The following ST7 variants were observed in gnomAD, a reference collection of about 807,000 sequenced individuals.
ST7 encodes suppressor of tumorigenicity 7 protein.
ST7 carries 28 observed loss-of-function variants against 78.7 expected under a neutral mutation model. The observed-to-expected ratio is 0.36, with a 90% CI of 0.26 to 0.49. ST7 has a LOEUF of 0.49. Ranked by LOEUF, ST7 falls within the 20% of genes least tolerant of loss-of-function variation. The pLI, the probability that ST7 is intolerant of heterozygous loss-of-function variation, is 0.99. For missense variants in ST7, 418 were observed against 696.0 expected (o/e 0.60, Z 4.49); for synonymous variants, 247 against 249.6 (o/e 0.99, Z 0.10).
intron 12 of ST7, chr7:117,198,341 C>T (rs1448232856): frequency 4.4e-6 from 2 of 456,250 alleles, no homozygotes; most frequent in African/African-American, 2.0e-5. Flanking sequence ...ATAGAGGCTG[C>T]CTAGAAACAT....
intron 9 of ST7, among the ~76,000 whole-genome samples, chr7:117,142,351 G>T (rs930444581): frequency 2.0e-5 from 3 of 152,098 alleles, no homozygotes; most frequent in Non-Finnish European, 4.4e-5. Flanking sequence ...GGATTTCTCA[G>T]CCTCAGCACT....
At chr7:116,969,809 T>A (rs542709495) in intron 1 of ST7, among the ~76,000 whole-genome samples, 1 of 152,190 alleles carries the variant, frequency 6.6e-6, no homozygotes, top group South Asian at 2.1e-4. Flanking sequence ...GGCATGGTGG[T>A]TCATGCCTAT....
At chr7:116,977,678 A>G (rs1484842815) in intron 1 of ST7, among the ~76,000 whole-genome samples, 5 of 152,168 alleles carry the variant, frequency 3.3e-5, no homozygotes, top group Admixed American at 3.3e-4. Flanking sequence ...CAGCCTCCCA[A>G]GTAGGTGGGA....
intron 1 of ST7, among the ~76,000 whole-genome samples, chr7:117,061,821 G>A (rs747960255): frequency 1.3e-5 from 2 of 152,206 alleles, no homozygotes; most frequent in Non-Finnish European, 2.9e-5. Flanking sequence ...AAATTAATAT[G>A]TAGGATGAAG....
intron 1 of ST7, chr7:117,098,887 A>T: frequency 8.2e-7 from 1 of 1,223,954 alleles, no homozygotes; most frequent in Non-Finnish European, 1.1e-6. Context: ...AATGACTTAA[A>T]ATATATGTAT....
chr7:117,057,878 T>G (rs1363500932), intron 1 of ST7, among the ~76,000 whole-genome samples: 3 of 152,146 alleles, frequency 2.0e-5, no homozygotes, highest in Admixed American at 6.5e-5. Context: ...CCCTTTCTAT[T>G]TTTTTCAGTT....
chr7:117,172,149 C>T (rs1808044480), intron 10 of ST7, among the ~76,000 whole-genome samples: 2 of 152,038 alleles, frequency 1.3e-5, no homozygotes, highest in South Asian at 4.2e-4. Context: ...GACTGGTTAT[C>T]GTTATGTTAC....
chr7:117,146,000 T>C (rs140114030), intron 9 of ST7: 1 of 152,332 alleles, frequency 6.6e-6, no homozygotes, highest in African/African-American at 2.4e-5. Flanking sequence ...ATTTTCATCA[T>C]CATCTACAGG....
chr7:117,130,357 T>A (rs994332455), intron 4 of ST7, 134 bp from the exon 5 acceptor site: 1 of 511,602 alleles, frequency 2.0e-6, no homozygotes, highest in African/African-American at 2.0e-5. Flanking sequence ...TTTTAAAAAT[T>A]TTTTTTATTC....
At chr7:117,083,778 A>G (rs899457712) in intron 1 of ST7, among the ~76,000 whole-genome samples, 14 of 152,174 alleles carry the variant, frequency 9.2e-5, no homozygotes, top group African/African-American at 3.4e-4. Context: ...GTAAGCATTC[A>G]TGTTTGTTTT....
At chr7:116,999,143 C>T (rs1794809991) in intron 1 of ST7, among the ~76,000 whole-genome samples, 1 of 152,132 alleles carries the variant, frequency 6.6e-6, no homozygotes, top group Non-Finnish European at 1.5e-5. Context: ...ATACTGCCTT[C>T]CAAATTGCTT....
chr7:117,200,836 A>AAG (rs1810774503), intron 12 of ST7, among the ~76,000 whole-genome samples: 1 of 143,162 alleles, frequency 7.0e-6, no homozygotes. Context: ...TTTTTTTTTA[A>AAG]AAAAAAAAGA....
At chr7:117,010,796 A>C (rs1468060558) in intron 1 of ST7, among the ~76,000 whole-genome samples, 2 of 152,224 alleles carry the variant, frequency 1.3e-5, no homozygotes, top group Non-Finnish European at 2.9e-5. Flanking sequence ...ATTATGATAA[A>C]GCTGTGATTT....
intron 1 of ST7, 106 bp from the exon 2 acceptor site, chr7:117,099,656 A>G: frequency 2.7e-6 from 2 of 749,552 alleles, no homozygotes; most frequent in African/African-American, 1.8e-5. Context: ...AATTATCATC[A>G]TCAGAAATAA....
At chr7:117,070,218 T>C (rs946148165) in intron 1 of ST7, among the ~76,000 whole-genome samples, 1 of 152,212 alleles carries the variant, frequency 6.6e-6, no homozygotes, top group Non-Finnish European at 1.5e-5. Flanking sequence ...CTGAGTGTTG[T>C]GAAAAGAGGC....
chr7:117,064,366 T>G (rs2116463288), intron 1 of ST7, among the ~76,000 whole-genome samples: 1 of 152,320 alleles, frequency 6.6e-6, no homozygotes, highest in Non-Finnish European at 1.5e-5. Flanking sequence ...TCCCTATGCT[T>G]CTGTCAGGGG....
chr7:117,098,583 T>A (rs1208692612), intron 1 of ST7: 1 of 278,874 alleles, frequency 3.6e-6, no homozygotes, highest in East Asian at 1.1e-4. Context: ...CATTCTTTCA[T>A]TTTTTACCCA....
At chr7:117,224,568 T>C (rs1793320847) in intron 15 of ST7, among the ~76,000 whole-genome samples, 2 of 152,204 alleles carry the variant, frequency 1.3e-5, no homozygotes, top group South Asian at 4.1e-4. Flanking sequence ...TGTTAAACAT[T>C]TTTAGAGCAT....
chr7:117,090,862 T>TGGTC (rs749827007), intron 1 of ST7: 8 of 167,104 alleles, frequency 4.8e-5, no homozygotes, highest in Non-Finnish European at 8.8e-5. Flanking sequence ...GGGCGTTGGA[T>TGGTC]GGTCCTTCAT....
Sources: gnomAD v4.1 joint callset for allele counts (sites outside exome capture counted in the v4.1 genomes callset) on GRCh38, gnomAD v4.1.1 for gene constraint, MANE v1.5 for transcripts, NCBI Gene and HGNC (gene_info 2026-07-23, HGNC 2026-07-21) for gene names.